Variants in EPHX2 observed in about 807,000 individuals in gnomAD.
EPHX2 encodes epoxide hydrolase 2.
EPHX2 carries 74 observed loss-of-function variants against 78.7 expected under a neutral mutation model. The ratio of observed to expected loss-of-function variants is 0.94; its 90% CI spans 0.78 to 1.14. The LOEUF is 1.14. Among genes scored for constraint, EPHX2 ranks in the 50% most tolerant of loss-of-function variants. The pLI is 0.00. For synonymous variants in EPHX2, 251 were observed against 255.2 expected, an observed-to-expected ratio of 0.98 and a Z score of 0.16; for missense variants, 715 against 702.5, an observed-to-expected ratio of 1.02 and a Z score of -0.20.
rs769295140 is a variant in EPHX2, at chr8:27,505,136, G to T, written c.527G>T (p.Ser176Ile). ...TTTCTGCTGGACACCCTGAAGGCCA[G>T]CCCCAGTGAGGTACGGAGACACTTC... ...YKFLLDTLKA[S>I]PSEVVFLDDI... Residue 176 changes from serine (S) to isoleucine (I), a missense_variant, in exon 4 of 19, where the codon AGC (serine) becomes ATC (isoleucine). By Grantham distance (142) the Ser-to-Ile change is moderately radical. Transcript: ENST00000521400. 13 of 1,613,984 alleles carry T rather than the reference G, an allele frequency of 8.1e-6. No homozygotes were observed. Among genetic ancestry groups the T allele is most frequent in the South Asian group, 5.5e-5 (5 of 91,048 alleles).
downstream of EPHX2, among the ~76,000 whole-genome samples, chr8:27,546,455 C>T (rs949628744): frequency 1.3e-5 from 2 of 152,208 alleles, no homozygotes; most frequent in African/African-American, 4.8e-5. Context: ...CCATCTCAAT[C>T]TTTTGCATCT....
Position 27,516,395 on chromosome 8 carries a change from C to T in EPHX2, c.907C>T (p.Pro303Ser), listed in dbSNP as rs1233937957. 2 of 1,613,924 alleles carry T rather than the reference C, an allele frequency of 1.2e-6. No individual in the cohort carries two copies. The highest frequency in any genetic ancestry group is 1.7e-5 in the Admixed American group (1 of 60,024). Residue 303 changes from proline (P) to serine (S), a missense_variant, in exon 8 of 19, where the codon CCC becomes TCC. Physicochemically the swap from Pro to Ser is moderately conservative, Grantham distance 74. Coordinates refer to ENST00000521400, the MANE Select transcript of EPHX2 (RefSeq NM_001979.6). ...MKGYGESSAP[P>S]EIEEYCMEVL... is the part of the protein sequence containing the mutation. The stretch of plus-strand genomic sequence containing the variant: ...AGGCTATGGAGAGTCATCTGCTCCT[C>T]CCGGTGGGTGTGCTGTCTTGCAGCT...
chr8:27,511,112 TC>T (rs777288143), intron 5 of EPHX2, among the ~76,000 whole-genome samples: 2 of 152,176 alleles, frequency 1.3e-5, no homozygotes, highest in Non-Finnish European at 2.9e-5. Context: ...ACTTTGGACT[TC>T]CAGCCTCCAG....
At chr8:27,547,473 A>G (rs1316305839), downstream of EPHX2, among the ~76,000 whole-genome samples, 1 of 152,250 alleles carries the variant, frequency 6.6e-6, no homozygotes, top group Non-Finnish European at 1.5e-5. Flanking sequence ...CATGGGGTAC[A>G]TAGTGATGTT....
chr8:27,532,014 C>T lies in EPHX2; in HGVS notation c.1171-4770C>T, dbSNP rs1815061211. Among the ~76,000 whole-genome samples, 5 of 152,296 alleles carry T rather than the reference C, an allele frequency of 3.3e-5. No homozygotes were observed. The East Asian group carries it at 7.7e-4, about 24-fold the overall frequency. On this transcript the variant is annotated intron_variant, in intron 12 of 18. Transcript: ENST00000521400. The stretch of plus-strand genomic sequence containing the variant: ...TGGTGCCCTGCATTTCTGGGGGCTC[C>T]TCTGACAGTGTGCTGAATACGCACA...
intron 11 of EPHX2, among the ~76,000 whole-genome samples, chr8:27,525,091 T>TGTGTGTGTGTGTGC (rs1814779296): frequency 2.1e-5 from 3 of 146,300 alleles, no homozygotes; most frequent in Non-Finnish European, 3.0e-5. Context: ...TGTGTGTGTG[T>TGTGTGTGTGTGTGC]GTGTGTGTGT....
chr8:27,496,118 C>T (rs1813563573), intron 1 of EPHX2, among the ~76,000 whole-genome samples: 1 of 152,160 alleles, frequency 6.6e-6, no homozygotes, highest in Non-Finnish European at 1.5e-5. Flanking sequence ...TTGCTTAGAG[C>T]CCTGGTTCCT....
intron 2 of EPHX2, among the ~76,000 whole-genome samples, chr8:27,501,391 T>TTCC (rs1813792315): frequency 7.7e-6 from 1 of 129,842 alleles, no homozygotes; most frequent in African/African-American, 3.0e-5. Flanking sequence ...CTTCTTCTTC[T>TTCC]TCTTTCTTCT....
Position 27,505,059 on chromosome 8 carries a change from G to A in EPHX2, c.450G>A (p.Leu150=), listed in dbSNP as rs1813947094. The change falls in exon 4 of 19, where the codon CTG becomes CTA. Residue 150 remains leucine (L), a synonymous_variant. Coordinates refer to ENST00000521400, the MANE Select transcript of EPHX2 (RefSeq NM_001979.6). The stretch of plus-strand genomic sequence containing the variant: ...AGCTGAAGATGCACTTTGACTTCCT[G>A]ATAGAGTCGTGTCAGGTGGGAATGG... ...MCELKMHFDF[L]IESCQVGMVK... The A allele has an allele frequency of 1.2e-6, 2 of 1,614,176 alleles. No individual in the cohort carries two copies. The highest frequency in any genetic ancestry group is 2.7e-5 in the African/African-American group (2 of 75,044).
At chr8:27,512,050 A>AT (rs1341205132) in intron 6 of EPHX2, 140 bp downstream of exon 6, 2 of 744,998 alleles carry the variant, frequency 2.7e-6, no homozygotes, top group African/African-American at 3.5e-5. Flanking sequence ...GTGAGCTGTG[A>AT]TCACACCACT....
At chr8:27,543,011 C>G (rs1012238347) in intron 16 of EPHX2, among the ~76,000 whole-genome samples, 18 of 136,300 alleles carry the variant, frequency 1.3e-4, no homozygotes, top group South Asian at 1.2e-3. Flanking sequence ...TCCTCTCCCC[C>G]CCCCGCCCCC....
downstream of EPHX2, among the ~76,000 whole-genome samples, chr8:27,546,329 G>A (rs1815576429): frequency 6.6e-6 from 1 of 152,142 alleles, no homozygotes; most frequent in Non-Finnish European, 1.5e-5. Flanking sequence ...AATATGCACA[G>A]AGTTCTAGAA....
chr8:27,536,779 T>C lies in EPHX2; in HGVS notation c.1171-5T>C. 6.2e-7 allele frequency: 1 copy of C among 1,613,864 alleles called. No homozygotes were observed. The highest frequency in any genetic ancestry group is 8.5e-7 in the Non-Finnish European group (1 of 1,179,960). On this transcript the variant is annotated splice_region_variant and splice_polypyrimidine_tract_variant and intron_variant, in intron 12 of 18. Coordinates refer to ENST00000521400, the MANE Select transcript of EPHX2 (RefSeq NM_001979.6). ...TCCTTCATTTTGCTTTCTTGATTGTTTTAGGGAGTGGCTGAGGCTGAACTG... is the reference window on the plus strand; with the variant it reads ...TCCTTCATTTTGCTTTCTTGATTGTCTTAGGGAGTGGCTGAGGCTGAACTG...
At chr8:27,546,066 C>CA (rs1815571205), downstream of EPHX2, among the ~76,000 whole-genome samples, 2 of 143,968 alleles carry the variant, frequency 1.4e-5, no homozygotes, top group African/African-American at 5.2e-5. Context: ...GCTTTTTCTA[C>CA]AAAAAAATGT....
intron 5 of EPHX2, among the ~76,000 whole-genome samples, chr8:27,511,570 A>G (rs905671860): frequency 6.6e-6 from 1 of 152,156 alleles, no homozygotes; most frequent in Admixed American, 6.5e-5. Flanking sequence ...GGGGGTTTTA[A>G]TGTGCCAGGT....
At chr8:27,525,565 T>A in intron 12 of EPHX2, 92 bp downstream of exon 12, 1 of 1,095,532 alleles carries the variant, frequency 9.1e-7, no homozygotes, top group Non-Finnish European at 1.4e-6. Flanking sequence ...CTGTCCCCTT[T>A]AATTTTATGT....
chr8:27,498,835 A>G (rs1813665676), intron 1 of EPHX2, among the ~76,000 whole-genome samples: 2 of 152,226 alleles, frequency 1.3e-5, no homozygotes, highest in South Asian at 4.1e-4. Flanking sequence ...AATTTACTGC[A>G]AATCATTGAA....
At chr8:27,506,245 A>T (rs111766439) in intron 4 of EPHX2, among the ~76,000 whole-genome samples, 1 of 152,186 alleles carries the variant, frequency 6.6e-6, no homozygotes, top group African/African-American at 2.4e-5. Context: ...CAGTCTCCCA[A>T]AGTGCTGGGA....
At chr8:27,526,928 G>T (rs1259191464) in intron 12 of EPHX2, among the ~76,000 whole-genome samples, 1 of 151,896 alleles carries the variant, frequency 6.6e-6, no homozygotes, top group Non-Finnish European at 1.5e-5. Flanking sequence ...CTTTTTGTGT[G>T]TGTATTTTTT....
Sources: allele counts gnomAD v4.1 joint callset (sites outside exome capture counted in the v4.1 genomes callset), GRCh38; gene constraint gnomAD v4.1.1; transcripts MANE v1.5; gene names NCBI Gene and HGNC (gene_info 2026-07-23, HGNC 2026-07-21).